Variants in EFNA3 observed in about 807,000 individuals in gnomAD.
EFNA3 encodes the protein ephrin-A3.
EFNA3 carries 15 observed loss-of-function variants against 25.0 expected under a neutral mutation model. The ratio of observed to expected loss-of-function variants is 0.60; its 90% CI spans 0.40 to 0.92. EFNA3 has a LOEUF of 0.92. EFNA3 is among the 40% of genes least tolerant of loss of function. EFNA3 has a pLI of 0.00. For synonymous variants in EFNA3, 153 were observed against 145.6 expected, an observed-to-expected ratio of 1.05 and a Z score of -0.37; for missense variants, 298 against 323.8, an observed-to-expected ratio of 0.92 and a Z score of 0.61.
In EFNA3 at chr1:155,079,219, G is replaced by A. The variant is rs951443343; in HGVS notation, c.128+150G>A. ...GGACGGAGAGGGGGACGCACTCTGT[G>A]GGCGTCTAGGAAACTCGGGGGTGTC... On this transcript the variant is annotated intron_variant, in intron 1 of 4. Coordinates refer to ENST00000368408, the MANE Select transcript of EFNA3 (RefSeq NM_004952.5). This position sits in a 1 kb window ranked among gnomAD's most constrained non-coding sequence, Gnocchi z 7.7. 3.1e-6 allele frequency: 3 copies of A among 964,974 alleles called. No individual in the cohort carries two copies. The highest frequency in any genetic ancestry group is 4.3e-5 in the Admixed American group (1 of 23,148). 59.8% of individuals were successfully genotyped at this position (964,974 alleles called of 1,614,324 possible).
intron 1 of EFNA3, 95 bp from the exon 2 acceptor site, chr1:155,084,996 T>G (rs776924447): frequency 7.0e-7 from 1 of 1,423,748 alleles, no homozygotes; most frequent in Non-Finnish European, 9.7e-7. Flanking sequence ...GTCGGAAGGC[T>G]ACGCGGACCC....
chr1:155,081,279 G>A lies in EFNA3; in HGVS notation c.128+2210G>A, dbSNP rs564067203. On this transcript the variant is annotated intron_variant, in intron 1 of 4. Coordinates refer to ENST00000368408, the MANE Select transcript of EFNA3 (RefSeq NM_004952.5). This position sits in a 1 kb window ranked among gnomAD's most constrained non-coding sequence, Gnocchi z 5.2. ...TGTTCCCAATCTGGCCCAGAAACTA[G>A]GGATGGGGGGACTGTATTGGAGCGA... 2.0e-5 allele frequency among the ~76,000 whole-genome samples: 3 copies of A among 152,306 alleles called. No individual in the cohort carries two copies. The highest frequency in any genetic ancestry group is 4.4e-5 in the Non-Finnish European group (3 of 68,020).
chr1:155,082,668 G>A (rs1663365016), intron 1 of EFNA3, among the ~76,000 whole-genome samples: 1 of 152,158 alleles, frequency 6.6e-6, no homozygotes, highest in Admixed American at 6.5e-5. Context: ...GGGATGAAGT[G>A]GAGCAAGAAG....
rs781461826 is a variant in EFNA3 at position 155,085,254 on chromosome 1, A to C, written c.292A>C (p.Thr98Pro). 1 of 1,612,710 alleles carries C rather than the reference A, an allele frequency of 6.2e-7. No homozygotes were observed. Among genetic ancestry groups the C allele is most frequent in the Non-Finnish European group, 8.5e-7 (1 of 1,179,684 alleles). Residue 98 changes from threonine (T) to proline (P), a missense_variant, in exon 2 of 5, where the codon ACC becomes CCC. Thr to Pro is a conservative substitution (Grantham distance 38). Transcript: ENST00000368408. This position sits in a 1 kb window ranked among gnomAD's most constrained non-coding sequence, Gnocchi z 4.4. ...CATGGTGAGCCGCAACGGCTACCGC[A>C]CCTGCAACGCCAGCCAGGGCTTCAA... ...LYMVSRNGYR[T>P]CNASQGFKRW...
Position 155,081,303 on chromosome 1 carries a change from G to A in EFNA3, c.128+2234G>A, listed in dbSNP as rs1663339326. On this transcript the variant is annotated intron_variant, in intron 1 of 4. Transcript: ENST00000368408. The surrounding 1 kb of genome is among the most constrained non-coding windows in gnomAD (Gnocchi z 5.2). ...AGGGATGGGGGGACTGTATTGGAGC[G>A]ATGCATTAGAGTATGAGGTCGAGGA... 6.6e-6 allele frequency among the ~76,000 whole-genome samples: 1 copy of A among 152,246 alleles called. No individual in the cohort carries two copies.
In EFNA3 at chr1:155,086,501, C is replaced by G. The variant is rs771141056; in HGVS notation, c.675C>G (p.Ala225=). The part of the protein sequence containing the change: ...TSPKREHLPL[A]VGIAFFLMTF... ...CCAAACGGGAACACCTGCCCCTGGCCGTGGGCATCGCCTTCTTCCTCATGA... is the reference window on the plus strand; with the variant it reads ...CCAAACGGGAACACCTGCCCCTGGCGGTGGGCATCGCCTTCTTCCTCATGA... Residue 225 remains alanine, a synonymous_variant, in exon 5 of 5, where the codon GCC becomes GCG. Transcript: ENST00000368408. 6.2e-7 allele frequency: 1 copy of G among 1,614,090 alleles called. No individual in the cohort carries two copies. The highest frequency in any genetic ancestry group is 2.2e-5 in the East Asian group (1 of 44,878).
Position 155,085,347 on chromosome 1 carries a change from T to C in EFNA3, c.385T>C (p.Tyr129His). The C allele has an allele frequency of 6.2e-7, 1 of 1,612,722 alleles. No homozygotes were observed. Among genetic ancestry groups the C allele is most frequent in the Non-Finnish European group, 8.5e-7 (1 of 1,179,330 alleles). ...PIKFSEKFQR[Y>H]SAFSLGYEFH... ...CAAGTTCTCGGAGAAGTTCCAGCGC[T>C]ACAGCGCCTTCTCTCTGGGCTACGA... The change falls in exon 2 of 5, where the codon TAC becomes CAC. Residue 129 changes from tyrosine (Y) to histidine (H), a missense_variant. Physicochemically the swap from Tyr to His is moderately conservative, Grantham distance 83. Transcript: ENST00000368408. This position sits in a 1 kb window ranked among gnomAD's most constrained non-coding sequence, Gnocchi z 4.4.
rs1190530170 is a variant in EFNA3, at chr1:155,081,120, C to T, written c.128+2051C>T. 6.6e-6 allele frequency among the ~76,000 whole-genome samples: 1 copy of T among 152,172 alleles called. No individual in the cohort carries two copies. Among genetic ancestry groups the T allele is most frequent in the African/African-American group, 2.4e-5 (1 of 41,434 alleles). ...GGTCACGTGGGGAGGGTCTTGCGAC[C>T]CCGCCTCCTGGGGGGGTCACGTGCG... On this transcript the variant is annotated intron_variant, in intron 1 of 4. Coordinates refer to ENST00000368408, the MANE Select transcript of EFNA3 (RefSeq NM_004952.5). This position sits in a 1 kb window ranked among gnomAD's most constrained non-coding sequence, Gnocchi z 5.2.
chr1:155,081,327 G>A lies in EFNA3; in HGVS notation c.128+2258G>A, dbSNP rs948546815. Among the ~76,000 whole-genome samples the A allele has an allele frequency of 2.6e-5, 4 of 152,222 alleles. No individual in the cohort carries two copies. The highest frequency in any genetic ancestry group is 4.4e-5 in the Non-Finnish European group (3 of 68,036). On this transcript the variant is annotated intron_variant, in intron 1 of 4. Transcript: ENST00000368408. This position sits in a 1 kb window ranked among gnomAD's most constrained non-coding sequence, Gnocchi z 5.2. ...CGATGCATTAGAGTATGAGGTCGAG[G>A]AGTCCCCTAAGCCGGGAATCGAACT...
Position 155,085,061 on chromosome 1 carries a change from TCTCTC to T in EFNA3, c.129-29_129-25del. 1 of 1,608,578 alleles carries T rather than the reference TCTCTC, an allele frequency of 6.2e-7. No individual in the cohort carries two copies. ...AAAGCGGCTTTGCTCTGGGGTTTCT[TCTCTC>T]TGAGCCGCTTCCTCTTCCCCACAGC... On this transcript the variant is annotated intron_variant, in intron 1 of 4. Transcript: ENST00000368408. This position sits in a 1 kb window ranked among gnomAD's most constrained non-coding sequence, Gnocchi z 4.4.
chr1:155,084,962 G>C, intron 1 of EFNA3, 129 bp from the exon 2 acceptor site: 2 of 1,071,760 alleles, frequency 1.9e-6, no homozygotes, highest in Non-Finnish European at 2.7e-6. Context: ...ACAGGGCTGA[G>C]CCGCGAGGAA....
Position 155,085,292 on chromosome 1 carries a change from C to T in EFNA3, c.330C>T (p.Cys110=). ...NASQGFKRWE[C]NRPHAPHSPI... Reference sequence around the variant, plus strand: ...GCCAGGGCTTCAAGCGCTGGGAGTGCAACCGGCCGCACGCCCCGCACAGCC... The same window carrying T: ...GCCAGGGCTTCAAGCGCTGGGAGTGTAACCGGCCGCACGCCCCGCACAGCC... Residue 110 remains cysteine (C), a synonymous_variant, in exon 2 of 5, where the codon TGC becomes TGT. Coordinates refer to ENST00000368408, the MANE Select transcript of EFNA3 (RefSeq NM_004952.5). This position sits in a 1 kb window ranked among gnomAD's most constrained non-coding sequence, Gnocchi z 4.4. 1 of 1,612,958 alleles carries T rather than the reference C, an allele frequency of 6.2e-7. No homozygotes were observed. Among genetic ancestry groups the T allele is most frequent in the Non-Finnish European group, 8.5e-7 (1 of 1,179,538 alleles).
In EFNA3 at chr1:155,086,269, G is replaced by A; in HGVS notation, c.586+64G>A. On this transcript the variant is annotated intron_variant, in intron 4 of 4. Transcript: ENST00000368408. ...ACCGCAGCCCCCCGCCCCGGTGCCT[G>A]CTCACCTCGCATGCCTTCCCTGGGG... 2.5e-6 allele frequency: 4 copies of A among 1,598,902 alleles called. No homozygotes were observed. In the Admixed American group the frequency reaches 6.7e-5, roughly 27 times the overall value.
chr1:155,079,177 A>T lies in EFNA3; in HGVS notation c.128+108A>T. 1 of 1,094,324 alleles carries T rather than the reference A, an allele frequency of 9.1e-7. No individual in the cohort carries two copies. Among genetic ancestry groups the T allele is most frequent in the Non-Finnish European group, 1.2e-6 (1 of 865,822 alleles). 67.8% of individuals were successfully genotyped at this position (1,094,324 alleles called of 1,614,324 possible). On this transcript the variant is annotated intron_variant, in intron 1 of 4. Transcript: ENST00000368408. The surrounding 1 kb of genome is among the most constrained non-coding windows in gnomAD (Gnocchi z 7.7). ...CGGGGTGGGAGTCCTGGGAGACCAG[A>T]GCTGGGGGCTGGGAGGGGACGGAGA...
intron 1 of EFNA3, among the ~76,000 whole-genome samples, chr1:155,082,623 A>G (rs993118289): frequency 6.6e-6 from 1 of 152,164 alleles, no homozygotes; most frequent in Non-Finnish European, 1.5e-5. Context: ...GTGTGTCGGC[A>G]TTCGCCTTTC....
Position 155,085,023 on chromosome 1 carries a change from A to G in EFNA3, c.129-68A>G, listed in dbSNP as rs3766918. On this transcript the variant is annotated intron_variant, in intron 1 of 4. Coordinates refer to ENST00000368408, the MANE Select transcript of EFNA3 (RefSeq NM_004952.5). This position sits in a 1 kb window ranked among gnomAD's most constrained non-coding sequence, Gnocchi z 4.4. ...CGCGGACCCTGGGGAGGGGCTGCGG[A>G]GCGGTCAGATGGAAAGCGGCTTTGC... The G allele has an allele frequency of 0.6, 922,243 of 1,549,308 alleles. 278,990 individuals carry two copies. Among genetic ancestry groups the G allele is most frequent in the East Asian group, 0.92 (40,403 of 44,148 alleles).
At position 155,078,853 on chromosome 1, in the gene EFNA3, C is replaced by CCGA; in HGVS notation, c.-86_-84dup. The CCGA allele has an allele frequency of 4.6e-6, 6 of 1,294,620 alleles. No individual in the cohort carries two copies. Among genetic ancestry groups the CCGA allele is most frequent in the Non-Finnish European group, 5.9e-6 (6 of 1,023,380 alleles). The allele number at this position is 1,294,620 out of a possible 1,614,324, so 80.2% of individuals were successfully genotyped here. A position where few individuals can be genotyped will look rare whatever the true frequency, so the allele number is the denominator to read the frequency against. ...TGGGGGCGTGGCCTAAGGCTGGGGGCCGACGGCGGCGGCAGCAGGGAGCTG... is the reference window on the plus strand; with the variant it reads ...TGGGGGCGTGGCCTAAGGCTGGGGGCCGACGACGGCGGCGGCAGCAGGGAGCTG... On this transcript the variant is annotated 5_prime_UTR_variant, in exon 1 of 5. Transcript: ENST00000368408.
At position 155,080,241 on chromosome 1, in the gene EFNA3, C is replaced by T. The variant is rs935897360; in HGVS notation, c.128+1172C>T. Among the ~76,000 whole-genome samples the T allele has an allele frequency of 6.6e-6, 1 of 152,044 alleles. No homozygotes were observed. Among genetic ancestry groups the T allele is most frequent in the Non-Finnish European group, 1.5e-5 (1 of 67,982 alleles). On this transcript the variant is annotated intron_variant, in intron 1 of 4. Transcript: ENST00000368408. The surrounding 1 kb of genome is among the most constrained non-coding windows in gnomAD (Gnocchi z 7.0). ...AATGGCCAGACCCCAGGGGAGGGGA[C>T]CGGGAGGGCCGGGCGGCCGCGACCC... is the stretch of plus-strand genomic sequence containing the variant.
At chr1:155,084,150 T>C (rs1192508492) in intron 1 of EFNA3, among the ~76,000 whole-genome samples, 1 of 152,162 alleles carries the variant, frequency 6.6e-6, no homozygotes, top group Non-Finnish European at 1.5e-5. Context: ...CCAGCATCAT[T>C]AAGGGGGGCC....
Sources: allele counts gnomAD v4.1 joint callset (sites outside exome capture counted in the v4.1 genomes callset), GRCh38; gene constraint gnomAD v4.1.1; non-coding constraint Gnocchi (gnomAD v3.1); transcripts MANE v1.5; gene names NCBI Gene and HGNC (gene_info 2026-07-23, HGNC 2026-07-21).